SYNE1: variants seen among roughly 807,000 people sequenced by gnomAD.
SYNE1 encodes the protein spectrin repeat containing nuclear envelope protein 1.
A neutral mutation model predicts 1,111.0 loss-of-function variants in SYNE1; 616 were observed. The ratio of observed to expected loss-of-function variants is 0.55; its 90% CI spans 0.52 to 0.59. The LOEUF (loss-of-function observed/expected upper bound fraction) is 0.59, where lower values mean the gene tolerates loss of function less well. SYNE1 is among the 20% of genes least tolerant of loss of function. The pLI is 0.00. For missense variants in SYNE1, 10,006 were observed against 10,417.0 expected (o/e 0.96, Z 1.72); for synonymous variants, 3,855 against 3,825.8 (o/e 1.01, Z -0.28).
At chr6:152,468,846 G>T (rs936850132) in intron 16 of SYNE1, among the ~76,000 whole-genome samples, 2 of 152,232 alleles carry the variant, frequency 1.3e-5, no homozygotes, top group African/African-American at 4.8e-5. Flanking sequence ...CAAGATCATA[G>T]CTCACTGCAG....
chr6:152,446,160 T>C (rs958079835), intron 29 of SYNE1, among the ~76,000 whole-genome samples: 2 of 150,848 alleles, frequency 1.3e-5, no homozygotes, highest in African/African-American at 4.9e-5. Context: ...AGCTTGTCTG[T>C]GAATAACGAC....
chr6:152,462,964 T>A, intron 19 of SYNE1, 74 bp from the exon 20 acceptor site: 1 of 1,542,094 alleles, frequency 6.5e-7, no homozygotes, highest in Non-Finnish European at 8.9e-7. Flanking sequence ...ACTTTCACTT[T>A]CACATATTCG....
intron 99 of SYNE1, among the ~76,000 whole-genome samples, 183 bp from the exon 100 acceptor site, chr6:152,268,348 T>C (rs2092903453): frequency 6.6e-6 from 1 of 151,682 alleles, no homozygotes; most frequent in African/African-American, 2.4e-5. Flanking sequence ...TGTAGTGTTC[T>C]TTTGCTTTGA....
chr6:152,514,161 A>C (rs1312467734), intron 6 of SYNE1, among the ~76,000 whole-genome samples: 1 of 152,234 alleles, frequency 6.6e-6, no homozygotes, highest in Admixed American at 6.5e-5. Flanking sequence ...TCATTCTACT[A>C]TAAGGGCACA....
In SYNE1 at chr6:152,472,428, A is replaced by G; in HGVS notation, c.1351-15T>C. Reference sequence around the variant, plus strand: ...TGAAGCAGATCCTAAGATACAGTTTAAAAAAAAATAAAAAATGAAAAACAT... The same window carrying G: ...TGAAGCAGATCCTAAGATACAGTTTGAAAAAAAATAAAAAATGAAAAACAT... On this transcript the variant is annotated splice_polypyrimidine_tract_variant and intron_variant, in intron 14 of 145. Coordinates refer to ENST00000367255, the MANE Select transcript of SYNE1 (RefSeq NM_182961.4). 1 of 1,571,072 alleles carries G rather than the reference A, an allele frequency of 6.4e-7. No homozygotes were observed. The highest frequency in any genetic ancestry group is 1.1e-5 in the South Asian group (1 of 89,422).
rs1230656715 is a variant in SYNE1 at position 152,224,917 on chromosome 6, G to A, written c.21352-253C>T. 4.9e-5 allele frequency among the ~76,000 whole-genome samples: 7 copies of A among 142,162 alleles called. No individual in the cohort carries two copies. In the East Asian group the frequency reaches 1.4e-3, roughly 29 times the overall value. 93.3% of individuals were successfully genotyped at this position (142,162 alleles called of 152,430 possible). On this transcript the variant is annotated intron_variant, in intron 116 of 145. Transcript: ENST00000367255. The stretch of plus-strand genomic sequence containing the variant: ...GTAACTGATAAATATATATATATAT[G>A]TATATATATACATATATACATATGT...
At position 152,230,550 on chromosome 6, in the gene SYNE1, A is replaced by C; in HGVS notation, c.21192T>G (p.Cys7064Trp). Residue 7064 changes from cysteine (C) to tryptophan (W), a missense_variant, in exon 115 of 146, where the codon TGT becomes TGG. Physicochemically the swap from Cys to Trp is radical, Grantham distance 215. Transcript: ENST00000367255. ...QASVQNALKD[C>W]QDLEDLIKAK... is the part of the protein sequence containing the mutation. The stretch of plus-strand genomic sequence containing the variant: ...GTTAGCCACCTGGACAAGTTACCTG[A>C]CAGTCTTTCAGTGCATTTTGAACAG... 1 of 1,614,060 alleles carries C rather than the reference A, an allele frequency of 6.2e-7. No homozygotes were observed. Among genetic ancestry groups the C allele is most frequent in the Non-Finnish European group, 8.5e-7 (1 of 1,179,938 alleles).
At chr6:152,253,481 T>C (rs1368940304) in intron 104 of SYNE1, among the ~76,000 whole-genome samples, 2 of 152,154 alleles carry the variant, frequency 1.3e-5, no homozygotes, top group Non-Finnish European at 2.9e-5. Context: ...CAGTTGAGGA[T>C]ACCAAGGTTC....
chr6:152,203,525 C>A (rs2075922298), intron 126 of SYNE1, among the ~76,000 whole-genome samples: 1 of 152,170 alleles, frequency 6.6e-6, no homozygotes, highest in African/African-American at 2.4e-5. Context: ...ACTAGAATCA[C>A]TTTTAGTTGT....
At chr6:152,471,081 A>G (rs2098802950) in intron 16 of SYNE1, among the ~76,000 whole-genome samples, 1 of 152,120 alleles carries the variant, frequency 6.6e-6, no homozygotes, top group Admixed American at 6.6e-5. Flanking sequence ...TCATAGATAA[A>G]ATGTTACTCT....
chr6:152,224,044 T>C (rs1487015075), intron 117 of SYNE1, among the ~76,000 whole-genome samples: 1 of 152,240 alleles, frequency 6.6e-6, no homozygotes, highest in Non-Finnish European at 1.5e-5. Flanking sequence ...ACACGCTGGA[T>C]AGGCCACTGA....
At position 152,156,065 on chromosome 6, in the gene SYNE1, T is replaced by G. The variant is rs776812180; in HGVS notation, c.23823A>C (p.Thr7941=). Reference sequence around the variant, plus strand: ...ACAGGTTGAGGACAGATGCAACACCTGTACTGTGCTTCTCTATGTCTCTCT... The same window carrying G: ...ACAGGTTGAGGACAGATGCAACACCGGTACTGTGCTTCTCTATGTCTCTCT... ...ELQRDIEKHS[T]GVASVLNLCE... The change falls in exon 132 of 146, where the codon ACA becomes ACC. Residue 7941 remains threonine (T), a synonymous_variant. Coordinates refer to ENST00000367255, the MANE Select transcript of SYNE1 (RefSeq NM_182961.4). 2 of 1,614,226 alleles carry G rather than the reference T, an allele frequency of 1.2e-6. No homozygotes were observed. The highest frequency in any genetic ancestry group is 1.7e-6 in the Non-Finnish European group (2 of 1,180,024).
At chr6:152,397,104 A>G in intron 49 of SYNE1, 124 bp from the exon 50 acceptor site, 1 of 930,856 alleles carries the variant, frequency 1.1e-6, no homozygotes, top group Non-Finnish European at 1.7e-6. Context: ...CTGGAGTAAA[A>G]ATGATGCATA....
chr6:152,155,198 A>G (rs1199891662), intron 132 of SYNE1, 156 bp from the exon 133 acceptor site: 13 of 785,502 alleles, frequency 1.7e-5, no homozygotes, highest in South Asian at 1.5e-4. Context: ...CCAGAGAGCA[A>G]GAGAGACAAC....
intron 91 of SYNE1, among the ~76,000 whole-genome samples, chr6:152,304,603 C>T (rs747637578): frequency 8.5e-5 from 13 of 152,148 alleles, no homozygotes; most frequent in Non-Finnish European, 1.6e-4. Context: ...AGATTACAGG[C>T]GTGAGCCACC....
intron 16 of SYNE1, 91 bp downstream of exon 16, chr6:152,471,506 C>T: frequency 7.7e-7 from 1 of 1,301,732 alleles, no homozygotes. Flanking sequence ...TGTTTAAATT[C>T]AAGAATTAAA....
chr6:152,288,139 T>A (rs979579083), intron 95 of SYNE1, among the ~76,000 whole-genome samples: 1 of 146,450 alleles, frequency 6.8e-6, no homozygotes, highest in African/African-American at 2.6e-5. Context: ...TTTTTTTTTT[T>A]ACACTGATCC....
intron 16 of SYNE1, among the ~76,000 whole-genome samples, chr6:152,466,917 C>T (rs938257359): frequency 6.6e-6 from 1 of 151,962 alleles, no homozygotes; most frequent in Non-Finnish European, 1.5e-5. Flanking sequence ...TGATAAATGT[C>T]ACGGTCATAA....
chr6:152,455,989 C>T lies in SYNE1; in HGVS notation c.2624G>A (p.Gly875Asp). Reference sequence around the variant, plus strand: ...CACAAACTTTTGAACACTTTGACTGCCTTTCTCAATAAGTGTCAAGGTTTT... The same window carrying T: ...CACAAACTTTTGAACACTTTGACTGTCTTTCTCAATAAGTGTCAAGGTTTT... ...CKKTLTLIEK[G>D]SQSVQKFVTL... The change falls in exon 23 of 146, where the codon GGC (glycine) becomes GAC (aspartate). Residue 875 changes from glycine to aspartate, a missense_variant. Gly to Asp is a moderately conservative substitution (Grantham distance 94, BLOSUM62 -1). Around this residue, in one of 7 missense-constraint regions of SYNE1, gnomAD observed 1,971 missense variants for 2,084.1 expected, o/e 0.95. Coordinates refer to ENST00000367255, the MANE Select transcript of SYNE1 (RefSeq NM_182961.4). 4 of 1,614,060 alleles carry T rather than the reference C, an allele frequency of 2.5e-6. No homozygotes were observed. The highest frequency in any genetic ancestry group is 3.4e-6 in the Non-Finnish European group (4 of 1,179,970).
Sources: allele counts gnomAD v4.1 joint callset (sites outside exome capture counted in the v4.1 genomes callset), GRCh38; gene constraint gnomAD v4.1.1; regional missense constraint gnomAD v4.1.1; transcripts MANE v1.5; gene names NCBI Gene and HGNC (gene_info 2026-07-23, HGNC 2026-07-21).